Variants in VAMP7 observed in about 807,000 individuals in gnomAD.
The protein encoded by VAMP7 is vesicle associated membrane protein 7.
In VAMP7, 14 loss-of-function variants were observed where a neutral mutation model predicts 29.6. The ratio of observed to expected loss-of-function variants is 0.47; its 90% CI spans 0.31 to 0.74. The LOEUF is 0.74. Ranked by LOEUF, VAMP7 falls within the 30% of genes least tolerant of loss-of-function variation. The pLI, the probability that VAMP7 is intolerant of heterozygous loss-of-function variation, is 0.05. For missense variants in VAMP7, 223 were observed against 262.4 expected (o/e 0.85, Z 1.04); for synonymous variants, 95 against 88.1 (o/e 1.08, Z -0.44).
intron 2 of VAMP7, among the ~76,000 whole-genome samples, chrX:155,895,022 C>T (rs974623629): frequency 2.6e-5 from 4 of 152,124 alleles, no homozygotes; most frequent in African/African-American, 9.7e-5. Flanking sequence ...TGGCAAATCT[C>T]CATTTCGTGC....
chrX:155,920,228 G>A lies in VAMP7; in HGVS notation c.501+348G>A, dbSNP rs750763619. 3.9e-5 allele frequency among the ~76,000 whole-genome samples: 6 copies of A among 152,228 alleles called. No homozygotes were observed. The East Asian group carries it at 5.8e-4, about 15-fold the overall frequency. ...AAAACATGAAACAAATGTGCAAGCC[G>A]TTTGTGACCCAGTATGAATCTTGAA... is the stretch of plus-strand genomic sequence containing the variant. On this transcript the variant is annotated intron_variant, in intron 6 of 7. Transcript: ENST00000286448.
intron 6 of VAMP7, among the ~76,000 whole-genome samples, chrX:155,928,154 C>A (rs2066498211): frequency 6.6e-6 from 1 of 152,116 alleles, no homozygotes; most frequent in Non-Finnish European, 1.5e-5. Context: ...AATGCCCAGG[C>A]TCAAGTGATC....
At chrX:155,882,384 G>A (rs2065812997) in intron 1 of VAMP7, among the ~76,000 whole-genome samples, 1 of 152,160 alleles carries the variant, frequency 6.6e-6, no homozygotes, top group Non-Finnish European at 1.5e-5. Context: ...AAATAAAACA[G>A]GTGGTTGACT....
intron 5 of VAMP7, among the ~76,000 whole-genome samples, chrX:155,901,939 T>C (rs1433733926): frequency 6.6e-6 from 1 of 152,128 alleles, no homozygotes; most frequent in Non-Finnish European, 1.5e-5. Flanking sequence ...GGGGATGGCA[T>C]TGAATCTATA....
intron 6 of VAMP7, among the ~76,000 whole-genome samples, chrX:155,938,610 C>T (rs747044340): frequency 2.0e-5 from 3 of 152,156 alleles, no homozygotes; most frequent in African/African-American, 7.2e-5. Context: ...AGTCACTACT[C>T]TTCTCCAAAG....
intron 7 of VAMP7, among the ~76,000 whole-genome samples, chrX:155,940,727 G>T (rs927961615): frequency 6.6e-6 from 1 of 152,088 alleles, no homozygotes; most frequent in Non-Finnish European, 1.5e-5. Flanking sequence ...TATTACAGCT[G>T]TGACAAATAG....
At chrX:155,921,395 C>T (rs889839564) in intron 6 of VAMP7, among the ~76,000 whole-genome samples, 3 of 151,890 alleles carry the variant, frequency 2.0e-5, no homozygotes, top group Non-Finnish European at 4.4e-5. Context: ...TGCCTCATAC[C>T]CCTTCCAGTT....
chrX:155,883,150 C>T (rs1432574597), intron 1 of VAMP7, among the ~76,000 whole-genome samples: 1 of 152,160 alleles, frequency 6.6e-6, no homozygotes, highest in East Asian at 1.9e-4. Flanking sequence ...CATATAGTAA[C>T]CCACCAGTAT....
intron 2 of VAMP7, among the ~76,000 whole-genome samples, chrX:155,890,423 C>T (rs1170763796): frequency 2.6e-5 from 4 of 152,020 alleles, no homozygotes; most frequent in South Asian, 2.1e-4. Flanking sequence ...TGCAGTGGTG[C>T]GATCTTGGCT....
Position 155,916,716 on chromosome X carries a change from G to A in VAMP7, c.434-3097G>A, listed in dbSNP as rs186535443. On this transcript the variant is annotated intron_variant, in intron 5 of 7. Transcript: ENST00000286448. ...TCTTCTGGCTTGTAGGGTTTCTGTC[G>A]AGAGATCTGCTGTTAGTCTGATGGG... Among the ~76,000 whole-genome samples, 69 of 152,192 alleles carry A rather than the reference G, an allele frequency of 4.5e-4. No individual in the cohort carries two copies. In the East Asian group the frequency reaches 0.012, roughly 26 times the overall value.
intron 6 of VAMP7, among the ~76,000 whole-genome samples, chrX:155,934,073 T>A (rs1453722703): frequency 6.6e-5 from 10 of 152,216 alleles, no homozygotes; most frequent in African/African-American, 9.6e-5. Flanking sequence ...GACAGTTTGT[T>A]ATAATTTCTG....
chrX:155,933,292 T>C (rs2066592966), intron 6 of VAMP7, among the ~76,000 whole-genome samples: 2 of 152,198 alleles, frequency 1.3e-5, no homozygotes. Context: ...CAGCTCCTCC[T>C]TGTACCTCTG....
At chrX:155,918,522 C>G (rs1463400322) in intron 5 of VAMP7, among the ~76,000 whole-genome samples, 7 of 152,092 alleles carry the variant, frequency 4.6e-5, no homozygotes, top group African/African-American at 1.7e-4. Flanking sequence ...CACCATTCCT[C>G]ACGGCACGGT....
At chrX:155,925,902 C>G (rs1373047210) in intron 6 of VAMP7, among the ~76,000 whole-genome samples, 1 of 152,094 alleles carries the variant, frequency 6.6e-6, no homozygotes, top group Non-Finnish European at 1.5e-5. Context: ...ATGAAAACGA[C>G]ATTTATCTCC....
At chrX:155,897,643 G>A in intron 3 of VAMP7, among the ~76,000 whole-genome samples, 1 of 152,234 alleles carries the variant, frequency 6.6e-6, no homozygotes, top group Middle Eastern at 3.4e-3. Context: ...ACATGAGTAT[G>A]TCACTTGATC....
intron 2 of VAMP7, among the ~76,000 whole-genome samples, chrX:155,892,612 C>T (rs2124244862): frequency 6.6e-6 from 1 of 152,176 alleles, no homozygotes; most frequent in East Asian, 1.9e-4. Flanking sequence ...ACTTTGTGTG[C>T]CTGAGCTTAG....
intron 6 of VAMP7, among the ~76,000 whole-genome samples, chrX:155,932,082 C>A (rs1296011997): frequency 1.3e-5 from 2 of 152,132 alleles, no homozygotes; most frequent in African/African-American, 2.4e-5. Context: ...TGTTTTGGTA[C>A]CAGTACCATG....
At chrX:155,925,215 T>TC in intron 6 of VAMP7, among the ~76,000 whole-genome samples, 1 of 152,152 alleles carries the variant, frequency 6.6e-6, no homozygotes, top group East Asian at 1.9e-4. Context: ...TTTGACTTCC[T>TC]CCCACGAATC....
chrX:155,887,588 T>A (rs1272674856), intron 1 of VAMP7, among the ~76,000 whole-genome samples: 2 of 151,366 alleles, frequency 1.3e-5, no homozygotes, highest in African/African-American at 4.8e-5. Flanking sequence ...AGTAGAAGAG[T>A]TGAAAGGAGG....
Sources: gnomAD v4.1 joint callset for allele counts (sites outside exome capture counted in the v4.1 genomes callset) on GRCh38, gnomAD v4.1.1 for gene constraint, MANE v1.5 for transcripts, NCBI Gene and HGNC (gene_info 2026-07-23, HGNC 2026-07-21) for gene names.